Variants in ABCD3 observed in about 807,000 individuals in gnomAD.
ABCD3 encodes the protein ATP-binding cassette sub-family D member 3.
A neutral mutation model predicts 105.5 loss-of-function variants in ABCD3; 41 were observed. That is an observed-to-expected ratio of 0.39 (90% confidence interval 0.30 to 0.50). The LOEUF is 0.50. Ranked by LOEUF, ABCD3 falls within the 20% of genes least tolerant of loss-of-function variation. The probability of loss-of-function intolerance (pLI) is 0.84; values close to 1 mark genes in which losing one functional copy is unlikely to be tolerated. For synonymous variants in ABCD3, 258 were observed against 269.0 expected, an observed-to-expected ratio of 0.96 and a Z score of 0.40; for missense variants, 622 against 806.3, an observed-to-expected ratio of 0.77 and a Z score of 2.77.
chr1:94,399,463 A>T, the ABCD3 span, among the ~76,000 whole-genome samples: 1 of 152,176 alleles, frequency 6.6e-6, no homozygotes, highest in African/African-American at 2.4e-5. Flanking sequence ...GAAATCTCTC[A>T]GTAGCCAATG....
intron 1 of ABCD3, chr1:94,419,319 T>A: frequency 2.0e-6 from 2 of 985,212 alleles, no homozygotes; most frequent in Non-Finnish European, 2.4e-6. Context: ...GAGAGTGTGG[T>A]TTAGGTGAGG....
intron 21 of ABCD3, chr1:94,514,438 AAT>A (rs1388244375): frequency 6.6e-6 from 1 of 151,910 alleles, no homozygotes; most frequent in Non-Finnish European, 1.5e-5. Flanking sequence ...ATTATCTATT[AAT>A]GTTTTTTTTT....
chr1:94,407,697 T>G, the ABCD3 span, among the ~76,000 whole-genome samples: 1 of 152,204 alleles, frequency 6.6e-6, no homozygotes, highest in African/African-American at 2.4e-5. Flanking sequence ...TTCTTGGTAG[T>G]TATTTTATAA....
intron 4 of ABCD3, among the ~76,000 whole-genome samples, chr1:94,470,587 A>G (rs370638650): frequency 4.0e-5 from 6 of 151,016 alleles, no homozygotes; most frequent in African/African-American, 1.5e-4. Flanking sequence ...TTTTTTGTTC[A>G]TTGTGCTGGG....
intron 19 of ABCD3, 65 bp from the exon 20 acceptor site, chr1:94,499,430 A>G (rs1649985321): frequency 6.7e-7 from 1 of 1,497,260 alleles, no homozygotes; most frequent in Non-Finnish European, 9.3e-7. Flanking sequence ...TTTAAAAAAT[A>G]AACCACTATT....
chr1:94,399,960 T>TGG, the ABCD3 span, among the ~76,000 whole-genome samples: 1 of 152,168 alleles, frequency 6.6e-6, no homozygotes, highest in East Asian at 1.9e-4. Flanking sequence ...CTGAGGTGAT[T>TGG]GGATCACTTG....
the ABCD3 span, among the ~76,000 whole-genome samples, chr1:94,397,094 C>T: frequency 2.6e-5 from 4 of 152,090 alleles, no homozygotes; most frequent in Admixed American, 1.3e-4. Context: ...GACATTTTAT[C>T]ATAACCTTTT....
chr1:94,490,665 A>G (rs138564188), intron 15 of ABCD3, among the ~76,000 whole-genome samples: 45 of 152,110 alleles, frequency 3.0e-4, no homozygotes, highest in African/African-American at 9.1e-4. Context: ...TTATCCTCTC[A>G]TCAGTTGAAA....
At chr1:94,409,353 T>A in the ABCD3 span, among the ~76,000 whole-genome samples, 1 of 152,232 alleles carries the variant, frequency 6.6e-6, no homozygotes, top group Non-Finnish European at 1.5e-5. Flanking sequence ...ACACCTACTA[T>A]ATACCCACAA....
intron 1 of ABCD3, among the ~76,000 whole-genome samples, chr1:94,442,297 C>T (rs1278818433): frequency 6.6e-6 from 1 of 152,148 alleles, no homozygotes; most frequent in African/African-American, 2.4e-5. Flanking sequence ...TTATGTGGCT[C>T]TTCTGCCTTT....
At chr1:94,415,675 A>T (rs1208147637), upstream of ABCD3, among the ~76,000 whole-genome samples, 2 of 150,618 alleles carry the variant, frequency 1.3e-5, no homozygotes, top group African/African-American at 4.9e-5. Context: ...CAGACACAAT[A>T]TTCTACATTA....
At chr1:94,440,873 C>A (rs781653674) in intron 1 of ABCD3, among the ~76,000 whole-genome samples, 2 of 151,930 alleles carry the variant, frequency 1.3e-5, no homozygotes, top group Non-Finnish European at 2.9e-5. Context: ...CAAAATAATC[C>A]CATTTATCTC....
chr1:94,422,679 T>C (rs927919507), intron 1 of ABCD3, among the ~76,000 whole-genome samples: 3 of 152,166 alleles, frequency 2.0e-5, no homozygotes, highest in Non-Finnish European at 4.4e-5. Context: ...ATAAATGACA[T>C]AGGATAGTTG....
chr1:94,440,372 C>G (rs1337580532), intron 1 of ABCD3, among the ~76,000 whole-genome samples: 1 of 152,046 alleles, frequency 6.6e-6, no homozygotes, highest in East Asian at 1.9e-4. Context: ...TCTTTCTTAC[C>G]CTTTGTTCCT....
intron 13 of ABCD3, among the ~76,000 whole-genome samples, chr1:94,488,816 T>TCG (rs1427755882): frequency 5.9e-4 from 12 of 20,228 alleles, no homozygotes; most frequent in Non-Finnish European, 2.3e-3. Context: ...GTGTTTCCTT[T>TCG]CACTCTCTCT....
intron 1 of ABCD3, among the ~76,000 whole-genome samples, chr1:94,439,339 T>TC (rs1463770286): frequency 2.0e-5 from 3 of 152,236 alleles, no homozygotes; most frequent in Non-Finnish European, 2.9e-5. Context: ...GATTTTTTTT[T>TC]CACATTAAAA....
At chr1:94,428,911 A>G (rs1477443476) in intron 1 of ABCD3, among the ~76,000 whole-genome samples, 4 of 152,212 alleles carry the variant, frequency 2.6e-5, no homozygotes, top group Non-Finnish European at 5.9e-5. Context: ...GGTAACAGGC[A>G]GAGGTTGGAA....
At position 94,426,409 on chromosome 1, in the gene ABCD3, A is replaced by G. The variant is rs6662765; in HGVS notation, c.110+7821A>G. Among the ~76,000 whole-genome samples, 741 of 152,328 alleles carry G rather than the reference A, an allele frequency of 4.9e-3. 9 individuals carry two copies. Among genetic ancestry groups the G allele is most frequent in the African/African-American group, 0.017 (718 of 41,580 alleles). ...ACCTACCTTGTCCTAAGCTTTCATT[A>G]AAGATCCTAAGATGTTAAGCTTTCA... On this transcript the variant is annotated intron_variant, in intron 1 of 22. Transcript: ENST00000370214.
the ABCD3 span, among the ~76,000 whole-genome samples, chr1:94,407,324 A>G: frequency 2.6e-5 from 4 of 151,884 alleles, no homozygotes; most frequent in East Asian, 3.9e-4. Flanking sequence ...CTAATTTTGT[A>G]TTTTTAGTAG....
Sources: allele counts gnomAD v4.1 joint callset (sites outside exome capture counted in the v4.1 genomes callset), GRCh38; gene constraint gnomAD v4.1.1; transcripts MANE v1.5; gene names NCBI Gene and HGNC (gene_info 2026-07-23, HGNC 2026-07-21).